HDAC4: variants seen among roughly 807,000 people sequenced by gnomAD.
HDAC4 encodes the protein histone deacetylase A.
Under a neutral mutation model 135.1 loss-of-function variants are expected in HDAC4, and 16 were observed. The observed-to-expected ratio is 0.12, with a 90% CI of 0.08 to 0.18. The LOEUF (loss-of-function observed/expected upper bound fraction) is 0.18. Among genes scored for constraint, HDAC4 ranks in the 10% least tolerant of loss-of-function variants. HDAC4 has a pLI of 1.00. For synonymous variants in HDAC4, 685 were observed against 653.4 expected (o/e 1.05, Z -0.74); for missense variants, 1,143 against 1,511.8 (o/e 0.76, Z 4.05).
intron 6 of HDAC4, among the ~76,000 whole-genome samples, chr2:239,163,428 G>C (rs190651427): frequency 1.8e-3 from 269 of 152,258 alleles, no homozygotes; most frequent in African/African-American, 6.2e-3. Context: ...GACGGCCACC[G>C]TGTGAGTGGA....
chr2:239,263,430 CT>C (rs1476418733), intron 2 of HDAC4, among the ~76,000 whole-genome samples: 3 of 152,088 alleles, frequency 2.0e-5, no homozygotes, highest in Non-Finnish European at 4.4e-5. Flanking sequence ...CAGCTTCCCC[CT>C]CGGAGCTGCC....
At chr2:239,062,129 A>G (rs2032835679) in intron 24 of HDAC4, among the ~76,000 whole-genome samples, 1 of 152,278 alleles carries the variant, frequency 6.6e-6, no homozygotes, top group Non-Finnish European at 1.5e-5. Flanking sequence ...TTCACTGCCC[A>G]TAGTCACTGG....
chr2:239,239,756 G>A (rs1228780482), intron 2 of HDAC4, among the ~76,000 whole-genome samples: 2 of 152,198 alleles, frequency 1.3e-5, no homozygotes, highest in African/African-American at 2.4e-5. Flanking sequence ...TTTGTAGAAT[G>A]ACATGGAAAT....
intron 2 of HDAC4, among the ~76,000 whole-genome samples, chr2:239,271,857 T>A (rs1334130026): frequency 1.3e-5 from 2 of 152,204 alleles, no homozygotes; most frequent in Non-Finnish European, 2.9e-5. Flanking sequence ...CTTCGAAATT[T>A]CCTGGAACTT....
chr2:239,286,282 T>C (rs74000589), intron 2 of HDAC4, among the ~76,000 whole-genome samples: 1 of 151,828 alleles, frequency 6.6e-6, no homozygotes, highest in Admixed American at 6.6e-5. Context: ...TGATGCATTT[T>C]AAAAAAAAGA....
rs1253149878 is a variant in HDAC4 at position 239,307,714 on chromosome 2, A to C, written c.22+44964T>G. ...CTCATGACCGCACTTGGTCTAAGCA[A>C]ATGCTGCTGGGATGATTTTCTTCAA... On this transcript the variant is annotated intron_variant, in intron 2 of 26. Coordinates refer to ENST00000543185, the MANE Select transcript of HDAC4 (RefSeq NM_001378414.1). This position sits in a 1 kb window ranked among gnomAD's most constrained non-coding sequence, Gnocchi z 4.8. Among the ~76,000 whole-genome samples the C allele has an allele frequency of 5.9e-5, 9 of 152,154 alleles. No individual in the cohort carries two copies. The highest frequency in any genetic ancestry group is 1.9e-4 in the African/African-American group (8 of 41,420).
At position 239,168,344 on chromosome 2, in the gene HDAC4, C is replaced by T. The variant is rs138919006; in HGVS notation, c.491-4421G>A. Reference sequence around the variant, plus strand: ...CCTTCCCCGAGCTTATGTGAAGAGCCGTGTCTTAGATTCCCAAGTGCCGTT... The same window carrying T: ...CCTTCCCCGAGCTTATGTGAAGAGCTGTGTCTTAGATTCCCAAGTGCCGTT... On this transcript the variant is annotated intron_variant, in intron 5 of 26. Coordinates refer to ENST00000543185, the MANE Select transcript of HDAC4 (RefSeq NM_001378414.1). Among the ~76,000 whole-genome samples, 339 of 152,248 alleles carry T rather than the reference C, an allele frequency of 2.2e-3. 3 individuals are homozygous for T. Among genetic ancestry groups the T allele is most frequent in the African/African-American group, 7.5e-3 (311 of 41,550 alleles).
rs770653372 is a variant in HDAC4 at position 239,068,655 on chromosome 2, G to A, written c.2751-48C>T. 4.1e-5 allele frequency: 62 copies of A among 1,506,958 alleles called. No homozygotes were observed. Among genetic ancestry groups the A allele is most frequent in the East Asian group, 3.4e-4 (15 of 44,406 alleles). The allele number at this position is 1,506,958 out of a possible 1,614,324, so 93.3% of individuals were successfully genotyped here. A position where few individuals can be genotyped will look rare whatever the true frequency, so the allele number is the denominator to read the frequency against. ...TTACTGGGTCAGCTGAAAGAGGGACGGGACGGTCACAAAACCCCAAGGTTC... is the reference window on the plus strand; with the variant it reads ...TTACTGGGTCAGCTGAAAGAGGGACAGGACGGTCACAAAACCCCAAGGTTC... On this transcript the variant is annotated intron_variant, in intron 22 of 26. Coordinates refer to ENST00000543185, the MANE Select transcript of HDAC4 (RefSeq NM_001378414.1). This position sits in a 1 kb window ranked among gnomAD's most constrained non-coding sequence, Gnocchi z 4.4.
rs568761591 is a variant in HDAC4 at position 239,176,568 on chromosome 2, A to G, written c.340-5T>C. 1 of 1,612,366 alleles carries G rather than the reference A, an allele frequency of 6.2e-7. No homozygotes were observed. The highest frequency in any genetic ancestry group is 1.1e-5 in the South Asian group (1 of 91,056). On this transcript the variant is annotated splice_polypyrimidine_tract_variant and splice_region_variant and intron_variant, in intron 4 of 26. Coordinates refer to ENST00000543185, the MANE Select transcript of HDAC4 (RefSeq NM_001378414.1). ...GGCCAGCATCTCCTGTTGTTGCTGC[A>G]AGTGGAAGGAGGAGACAGACGGTCA...
At chr2:239,221,281 G>C (rs767387786) in intron 3 of HDAC4, among the ~76,000 whole-genome samples, 1 of 152,158 alleles carries the variant, frequency 6.6e-6, no homozygotes, top group Non-Finnish European at 1.5e-5. Flanking sequence ...CTGTGCACAG[G>C]AGCGGGGGAC....
At chr2:239,340,154 G>A (rs1692212613) in intron 2 of HDAC4, among the ~76,000 whole-genome samples, 2 of 151,990 alleles carry the variant, frequency 1.3e-5, no homozygotes, top group South Asian at 4.2e-4. Context: ...CTCACCCCAG[G>A]ACACCCCAGC....
At chr2:239,289,319 TG>T (rs1330724832) in intron 2 of HDAC4, among the ~76,000 whole-genome samples, 2 of 152,244 alleles carry the variant, frequency 1.3e-5, no homozygotes, top group African/African-American at 4.8e-5. Context: ...GTGGTTGTTT[TG>T]TTTTTAAATG....
At chr2:239,107,365 G>A (rs546007701) in intron 15 of HDAC4, among the ~76,000 whole-genome samples, 1 of 152,322 alleles carries the variant, frequency 6.6e-6, no homozygotes, top group Admixed American at 6.5e-5. Context: ...AACAAGTGAG[G>A]CCGCTGCCAT....
At chr2:239,252,261 T>TGTG (rs2048824153) in intron 2 of HDAC4, among the ~76,000 whole-genome samples, 1 of 152,172 alleles carries the variant, frequency 6.6e-6, no homozygotes, top group Non-Finnish European at 1.5e-5. Flanking sequence ...AGCTGATCAG[T>TGTG]GTGGGCCTCA....
Position 239,134,372 on chromosome 2 carries a change from G to A in HDAC4, c.1167C>T (p.Pro389=), listed in dbSNP as rs201601143. 27 of 1,613,760 alleles carry A rather than the reference G, an allele frequency of 1.7e-5. No homozygotes were observed. Among genetic ancestry groups the A allele is most frequent in the South Asian group, 3.3e-5 (3 of 91,062 alleles). The change falls in exon 11 of 27, where the codon CCC becomes CCT. Residue 389 remains proline (P), a synonymous_variant. Transcript: ENST00000543185. ...PALQQRLSLF[P]GTHLTPYLST... The stretch of plus-strand genomic sequence containing the variant: ...TCAGGTAGGGAGTGAGGTGGGTGCC[G>A]GGGAAAAGGGAGAGCCTCTGCTGGA...
chr2:239,185,702 C>A (rs2044507736), intron 4 of HDAC4, among the ~76,000 whole-genome samples: 1 of 152,148 alleles, frequency 6.6e-6, no homozygotes, highest in Non-Finnish European at 1.5e-5. Context: ...TTGTGTCCTG[C>A]CTCTCCATAT....
rs955906283 is a variant in HDAC4 at position 239,308,064 on chromosome 2, G to A, written c.22+44614C>T. Reference sequence around the variant, plus strand: ...AAGGATGGCCCATCCCACCCCCAACGGTGAGAGCCGGGCCCATCACAAGCC... The same window carrying A: ...AAGGATGGCCCATCCCACCCCCAACAGTGAGAGCCGGGCCCATCACAAGCC... On this transcript the variant is annotated intron_variant, in intron 2 of 26. Transcript: ENST00000543185. The surrounding 1 kb of genome is among the most constrained non-coding windows in gnomAD (Gnocchi z 4.2). 6.6e-5 allele frequency among the ~76,000 whole-genome samples: 10 copies of A among 152,290 alleles called. No individual in the cohort carries two copies. Among genetic ancestry groups the A allele is most frequent in the Middle Eastern group, 3.4e-3 (1 of 294 alleles).
chr2:239,310,345 C>G (rs1254655022), intron 2 of HDAC4, among the ~76,000 whole-genome samples: 3 of 152,230 alleles, frequency 2.0e-5, no homozygotes, highest in Non-Finnish European at 4.4e-5. Flanking sequence ...AGCAGATACA[C>G]AAACTCTGAG....
chr2:239,344,672 G>A (rs1692501279), intron 2 of HDAC4, among the ~76,000 whole-genome samples: 1 of 152,236 alleles, frequency 6.6e-6, no homozygotes, highest in East Asian at 1.9e-4. Context: ...GACGCCCCGT[G>A]CCGGGTGGCT....
Sources: gnomAD v4.1 joint callset for allele counts (sites outside exome capture counted in the v4.1 genomes callset) on GRCh38, gnomAD v4.1.1 for gene constraint, Gnocchi (gnomAD v3.1) non-coding constraint, MANE v1.5 for transcripts, NCBI Gene and HGNC (gene_info 2026-07-23, HGNC 2026-07-21) for gene names.